Variants in CCDC88A observed in about 807,000 individuals in gnomAD.
CCDC88A encodes the protein girdin.
In CCDC88A, 54 loss-of-function variants were observed where a neutral mutation model predicts 234.3. That is an observed-to-expected ratio of 0.23 (90% confidence interval 0.19 to 0.29). The LOEUF (loss-of-function observed/expected upper bound fraction) is 0.29. Ranked by LOEUF, CCDC88A falls within the 10% of genes least tolerant of loss-of-function variation. The probability of loss-of-function intolerance (pLI) is 1.00; values close to 1 mark genes in which losing one functional copy is unlikely to be tolerated. For synonymous variants in CCDC88A, 753 were observed against 737.8 expected (o/e 1.02, Z -0.33); for missense variants, 1,832 against 2,123.4 (o/e 0.86, Z 2.70).
intron 12 of CCDC88A, chr2:55,340,458 AATT>A (rs1227833530): frequency 1.3e-5 from 2 of 152,184 alleles, no homozygotes; most frequent in Non-Finnish European, 2.9e-5. Flanking sequence ...AGAAAATCTC[AATT>A]TTTATTTCCA....
In CCDC88A at chr2:55,341,140, C is replaced by CT. The variant is rs562623314; in HGVS notation, c.1334-1493dup. ...TTGTTGCAAATGACAGAATTTCTTT[C>CT]TTTTTTTTTTTTTTTTTTTTTTTGA... On this transcript the variant is annotated intron_variant, in intron 12 of 32. Coordinates refer to ENST00000436346, the MANE Select transcript of CCDC88A (RefSeq NM_001365480.1). Among the ~76,000 whole-genome samples the CT allele has an allele frequency of 8.3e-3, 671 of 81,326 alleles. 1 individual carries two copies. The highest frequency in any genetic ancestry group is 0.011 in the Non-Finnish European group (447 of 39,434). 53.4% of individuals were successfully genotyped at this position (81,326 alleles called of 152,430 possible).
In CCDC88A at chr2:55,374,814, C is replaced by T. The variant is rs770817058; in HGVS notation, c.343G>A (p.Glu115Lys). 5.0e-6 allele frequency: 8 copies of T among 1,587,184 alleles called. No homozygotes were observed. In the South Asian group the frequency reaches 8.9e-5, roughly 18 times the overall value. The change falls in exon 4 of 33, where the codon GAA becomes AAA. Residue 115 changes from glutamate (E) to lysine (K), a missense_variant and splice_region_variant. Physicochemically the swap from Glu to Lys is moderately conservative, Grantham distance 56 (BLOSUM62 1). Around this residue, in one of 6 missense-constraint regions of CCDC88A, gnomAD observed 84 missense variants for 80.9 expected, o/e 1.04. Coordinates refer to ENST00000436346, the MANE Select transcript of CCDC88A (RefSeq NM_001365480.1). Reference protein sequence around the residue: ...VLIIGKNPFSEQGTEEVKKLL... With the variant: ...VLIIGKNPFSKQGTEEVKKLL... ...TTCACAGCTTAATTTTAATACTTAC[C>T]AGAAAAGGGATTTTTGCCAATGATT...
chr2:55,338,011 C>T (rs756509953), intron 13 of CCDC88A, among the ~76,000 whole-genome samples: 2 of 152,018 alleles, frequency 1.3e-5, no homozygotes, highest in South Asian at 2.1e-4. Flanking sequence ...ATAAGAATAA[C>T]AATTATTGAA....
chr2:55,301,033 A>C, intron 28 of CCDC88A, 173 bp downstream of exon 28: 1 of 551,234 alleles, frequency 1.8e-6, no homozygotes, highest in Non-Finnish European at 3.1e-6. Flanking sequence ...CAATTATCTT[A>C]AAAGAGGCAG....
Position 55,309,564 on chromosome 2 carries a change from T to C in CCDC88A, c.4080-310A>G, listed in dbSNP as rs1208771398. Among the ~76,000 whole-genome samples, 2 of 152,202 alleles carry C rather than the reference T, an allele frequency of 1.3e-5. No individual in the cohort carries two copies. The highest frequency in any genetic ancestry group is 2.4e-5 in the African/African-American group (1 of 41,458). On this transcript the variant is annotated intron_variant, in intron 23 of 32. Transcript: ENST00000436346. The surrounding 1 kb of genome is among the most constrained non-coding windows in gnomAD (Gnocchi z 5.1). ...TATAATAAATAATCCTGCAAACACATGTTCATGCAAATATTTTTCTTTTCG... is the reference window on the plus strand; with the variant it reads ...TATAATAAATAATCCTGCAAACACACGTTCATGCAAATATTTTTCTTTTCG...
intron 9 of CCDC88A, among the ~76,000 whole-genome samples, chr2:55,346,651 CT>C (rs1365447767): frequency 6.6e-6 from 1 of 152,110 alleles, no homozygotes; most frequent in African/African-American, 2.4e-5. Context: ...AACTCCTGAC[CT>C]CAGGTGATCC....
chr2:55,387,599 T>G (rs1321792797), intron 3 of CCDC88A, among the ~76,000 whole-genome samples: 1 of 151,676 alleles, frequency 6.6e-6, no homozygotes, highest in Non-Finnish European at 1.5e-5. Context: ...CTAGCCAACA[T>G]GGTGAAACCC....
At chr2:55,318,748 T>G in intron 19 of CCDC88A, 95 bp downstream of exon 19, 1 of 974,678 alleles carries the variant, frequency 1.0e-6, no homozygotes. Flanking sequence ...TTAAGTTCAT[T>G]CACTAAGAAA....
intron 17 of CCDC88A, among the ~76,000 whole-genome samples, chr2:55,325,987 G>T (rs1034831250): frequency 3.6e-5 from 5 of 137,124 alleles, no homozygotes; most frequent in Admixed American, 7.2e-5. Context: ...TTTCCATCAA[G>T]ATTTCTGATA....
chr2:55,349,392 C>A lies in CCDC88A; in HGVS notation c.882+126G>T, dbSNP rs1335427853. The A allele has an allele frequency of 3.8e-5, 26 of 676,990 alleles. 1 individual carries two copies. The highest frequency in any genetic ancestry group is 2.8e-4 in the Admixed American group (9 of 32,188). The allele number at this position is 676,990 out of a possible 1,614,324, so 41.9% of individuals were successfully genotyped here. ...AGAGACTCTGAAAAAGTCATCCAATCTCTTGAAGCCTCAGGAACCTCTTTT... is the reference window on the plus strand; with the variant it reads ...AGAGACTCTGAAAAAGTCATCCAATATCTTGAAGCCTCAGGAACCTCTTTT... On this transcript the variant is annotated intron_variant, in intron 9 of 32. Coordinates refer to ENST00000436346, the MANE Select transcript of CCDC88A (RefSeq NM_001365480.1).
chr2:55,394,835 T>A (rs1460854608), intron 2 of CCDC88A, among the ~76,000 whole-genome samples: 2 of 147,764 alleles, frequency 1.4e-5, no homozygotes, highest in African/African-American at 2.6e-5. Flanking sequence ...AGAAAAAAAA[T>A]GTTTTTGTTT....
chr2:55,292,019 C>G (rs1679497359), intron 31 of CCDC88A: 2 of 149,862 alleles, frequency 1.3e-5, no homozygotes, highest in Non-Finnish European at 2.3e-5. Context: ...TTCCCCCCCT[C>G]TTAGTGCCAG....
rs138952407 is a variant in CCDC88A at position 55,412,213 on chromosome 2, AG to A, written c.164+6602del. ...TAGTAATATGTGAGACAAAACATCT[AG>A]CCCCTAAACAGTAATACTGCAAAGC... On this transcript the variant is annotated intron_variant, in intron 2 of 32. Transcript: ENST00000436346. Among the ~76,000 whole-genome samples the A allele has an allele frequency of 6.6e-5, 10 of 152,334 alleles. No homozygotes were observed. The East Asian group carries it at 1.9e-3, about 29-fold the overall frequency.
At chr2:55,304,958 G>C (rs867293782) in intron 25 of CCDC88A, among the ~76,000 whole-genome samples, 1 of 152,156 alleles carries the variant, frequency 6.6e-6, no homozygotes, top group Admixed American at 6.5e-5. Flanking sequence ...ATTAGAGAGA[G>C]TGCAATGGAC....
intron 5 of CCDC88A, among the ~76,000 whole-genome samples, chr2:55,364,842 C>G (rs1001370430): frequency 1.2e-4 from 18 of 152,138 alleles, no homozygotes; most frequent in Admixed American, 1.2e-3. Flanking sequence ...AAACCAACTG[C>G]TAGTATCACT....
At chr2:55,376,659 C>T (rs1437084509) in intron 3 of CCDC88A, among the ~76,000 whole-genome samples, 1 of 152,168 alleles carries the variant, frequency 6.6e-6, no homozygotes, top group African/African-American at 2.4e-5. Flanking sequence ...TCAATATATG[C>T]ATCATGTTAG....
intron 2 of CCDC88A, among the ~76,000 whole-genome samples, chr2:55,403,007 TA>T (rs796738828): frequency 6.7e-4 from 95 of 142,734 alleles, no homozygotes; most frequent in African/African-American, 1.0e-3. Context: ...AGACTCCGTC[TA>T]AAAAAAAAAA....
chr2:55,417,443 A>C (rs1681683406), intron 2 of CCDC88A: 1 of 152,082 alleles, frequency 6.6e-6, no homozygotes, highest in South Asian at 2.1e-4. Context: ...CATTTTGCTT[A>C]GGAAATAGTC....
rs183468002 is a variant in CCDC88A at position 55,328,893 on chromosome 2, C to A, written c.2856-458G>T. 845 of 153,810 alleles carry A rather than the reference C, an allele frequency of 5.5e-3. 6 individuals are homozygous for A. Among genetic ancestry groups the A allele is most frequent in the Non-Finnish European group, 6.6e-3 (457 of 69,250 alleles). 9.5% of individuals were successfully genotyped at this position (153,810 alleles called of 1,614,324 possible). A position where few individuals can be genotyped will look rare whatever the true frequency, so the allele number is the denominator to read the frequency against. On this transcript the variant is annotated intron_variant, in intron 16 of 32. Transcript: ENST00000436346. This position sits in a 1 kb window ranked among gnomAD's most constrained non-coding sequence, Gnocchi z 4.3. ...TCAAGCGATTCTCCTGCCTCAGCCT[C>A]CCTAGTAGCTGGGATTACAGGCATG... is the stretch of plus-strand genomic sequence containing the variant.
Sources: allele counts gnomAD v4.1 joint callset (sites outside exome capture counted in the v4.1 genomes callset), GRCh38; gene constraint gnomAD v4.1.1; regional missense constraint gnomAD v4.1.1; non-coding constraint Gnocchi (gnomAD v3.1); transcripts MANE v1.5; gene names NCBI Gene and HGNC (gene_info 2026-07-23, HGNC 2026-07-21).